The following STK31 variants were observed in gnomAD, a reference collection of about 807,000 sequenced individuals.
STK31 encodes the protein serine/threonine kinase 31.
Under a neutral mutation model 129.7 loss-of-function variants are expected in STK31, and 89 were observed. The observed-to-expected ratio is 0.69, with a 90% CI of 0.58 to 0.82. The LOEUF is 0.82. Ranked by LOEUF, STK31 falls within the 40% of genes least tolerant of loss-of-function variation. The probability of loss-of-function intolerance (pLI) is 0.00; values close to 1 mark genes in which losing one functional copy is unlikely to be tolerated. For missense variants in STK31, 1,187 were observed against 1,176.4 expected, an observed-to-expected ratio of 1.01 and a Z score of -0.13; for synonymous variants, 448 against 395.3, an observed-to-expected ratio of 1.13 and a Z score of -1.58.
intron 3 of STK31, among the ~76,000 whole-genome samples, chr7:23,714,783 G>T (rs548513240): frequency 6.7e-6 from 1 of 148,234 alleles, no homozygotes; most frequent in Non-Finnish European, 1.5e-5. Flanking sequence ...AGAGTCAGCA[G>T]TTTTTTTTTT....
At chr7:23,752,424 G>A (rs1273269502) in intron 8 of STK31, among the ~76,000 whole-genome samples, 2 of 149,280 alleles carry the variant, frequency 1.3e-5, no homozygotes, top group South Asian at 4.2e-4. Flanking sequence ...ATCTCGCCTC[G>A]CTGCAACCTC....
intron 8 of STK31, among the ~76,000 whole-genome samples, chr7:23,745,184 G>GGGA (rs1788274582): frequency 6.6e-6 from 1 of 152,140 alleles, no homozygotes; most frequent in Non-Finnish European, 1.5e-5. Context: ...TTGGGCCCTT[G>GGGA]GGAGGAGTGT....
Position 23,729,178 on chromosome 7 carries a change from A to C in STK31, c.412A>C (p.Ser138Arg), listed in dbSNP as rs1787250988. 6.2e-7 allele frequency: 1 copy of C among 1,612,202 alleles called. No individual in the cohort carries two copies. The highest frequency in any genetic ancestry group is 8.5e-7 in the Non-Finnish European group (1 of 1,179,676). ...VEIPLELQFS[S>R]VAKKYKLWGL... ...AATTCCTTTGGAGCTGCAGTTTTCTAGTGTTGCCAAAAAGTATAAACTTTG... is the reference window on the plus strand; with the variant it reads ...AATTCCTTTGGAGCTGCAGTTTTCTCGTGTTGCCAAAAAGTATAAACTTTG... Residue 138 changes from serine to arginine, a missense_variant, in exon 6 of 24, where the codon AGT becomes CGT. Physicochemically the swap from Ser to Arg is moderately radical, Grantham distance 110. Transcript: ENST00000355870.
At chr7:23,765,315 A>G (rs1159197594) in intron 11 of STK31, among the ~76,000 whole-genome samples, 2 of 152,116 alleles carry the variant, frequency 1.3e-5, no homozygotes, top group African/African-American at 4.8e-5. Flanking sequence ...TGGCCTCCAA[A>G]GTGCTAGATT....
At chr7:23,776,816 T>G (rs13310032) in intron 15 of STK31, among the ~76,000 whole-genome samples, 1 of 152,128 alleles carries the variant, frequency 6.6e-6, no homozygotes, top group South Asian at 2.1e-4. Context: ...CATGTCTCTA[T>G]CTCCTCCAGT....
At chr7:23,738,355 A>C (rs575987149) in intron 8 of STK31, among the ~76,000 whole-genome samples, 20 of 151,806 alleles carry the variant, frequency 1.3e-4, no homozygotes, top group African/African-American at 4.6e-4. Context: ...AAGCTCCCCA[A>C]ATCTCATTCA....
rs71552259 is a variant in STK31, at chr7:23,814,146, C to CTTTTTTTTTTTTTTTTTTTTTTTTTTT, written c.2761-996_2761-995insTTTTTTTTTTTTTTTTTTTTTTTTTTT. 8.1e-5 allele frequency among the ~76,000 whole-genome samples: 8 copies of CTTTTTTTTTTTTTTTTTTTTTTTTTTT among 98,914 alleles called. 3 individuals are homozygous for CTTTTTTTTTTTTTTTTTTTTTTTTTTT. Among genetic ancestry groups the CTTTTTTTTTTTTTTTTTTTTTTTTTTT allele is most frequent in the Non-Finnish European group, 7.5e-5 (4 of 53,226 alleles). The allele number at this position is 98,914 out of a possible 152,430, so 64.9% of individuals were successfully genotyped here. A position where few individuals can be genotyped will look rare whatever the true frequency, so the allele number is the denominator to read the frequency against. On this transcript the variant is annotated intron_variant, in intron 22 of 23. Transcript: ENST00000355870. ...GTTGGGAAACATCAGATCTGGCTCA[C>CTTTTTTTTTTTTTTTTTTTTTTTTTTT]TTATTTTTTTTTTTTTTTCAGTTGG...
At chr7:23,778,943 G>A (rs922556398) in intron 15 of STK31, among the ~76,000 whole-genome samples, 3 of 152,052 alleles carry the variant, frequency 2.0e-5, no homozygotes, top group South Asian at 2.1e-4. Flanking sequence ...CACCCTTTTT[G>A]TGCTGGTTTT....
At position 23,754,404 on chromosome 7, in the gene STK31, T is replaced by C. The variant is rs568377792; in HGVS notation, c.1223T>C (p.Leu408Ser). The part of the protein sequence containing the change: ...DEGCFTTPAS[L>S]NGLEIIWAEY... ...GGGTGCTTTACTACTCCAGCTTCTT[T>C]GAATGGATTAGAGATAATATGGGCA... The change falls in exon 10 of 24, where the codon TTG (leucine) becomes TCG (serine). Residue 408 changes from leucine (L) to serine (S), a missense_variant. Leu to Ser is a moderately radical substitution (Grantham distance 145). Coordinates refer to ENST00000355870, the MANE Select transcript of STK31 (RefSeq NM_031414.5). 1.9e-6 allele frequency: 3 copies of C among 1,614,070 alleles called. No individual in the cohort carries two copies. The highest frequency in any genetic ancestry group is 1.1e-5 in the South Asian group (1 of 91,062).
chr7:23,762,118 G>T (rs185883895), intron 10 of STK31, among the ~76,000 whole-genome samples: 140 of 151,008 alleles, frequency 9.3e-4, no homozygotes, highest in African/African-American at 3.3e-3. Flanking sequence ...TTACTTTTAG[G>T]GTACATGTGC....
chr7:23,826,783 G>T (rs908354697), intron 23 of STK31, among the ~76,000 whole-genome samples: 2 of 152,164 alleles, frequency 1.3e-5, no homozygotes, highest in South Asian at 2.1e-4. Context: ...TTTTAGGGCA[G>T]GTCTGGTGGT....
intron 23 of STK31, among the ~76,000 whole-genome samples, chr7:23,827,611 C>T (rs1187785714): frequency 6.6e-6 from 1 of 152,214 alleles, no homozygotes; most frequent in African/African-American, 2.4e-5. Flanking sequence ...AAGTCATTCT[C>T]TGTCCAGCTT....
At chr7:23,766,462 C>T (rs886430986) in intron 11 of STK31, among the ~76,000 whole-genome samples, 2 of 152,104 alleles carry the variant, frequency 1.3e-5, no homozygotes, top group East Asian at 3.9e-4. Flanking sequence ...CGATGTTGGC[C>T]GGGCTGGTCT....
intron 4 of STK31, among the ~76,000 whole-genome samples, chr7:23,719,941 T>G (rs146386791): frequency 8.5e-5 from 13 of 152,228 alleles, no homozygotes; most frequent in African/African-American, 3.1e-4. Flanking sequence ...TACTCTCAAA[T>G]TTTTTCCCTT....
rs769600480 is a variant in STK31 at position 23,729,212 on chromosome 7, A to G, written c.446A>G (p.His149Arg). 7.5e-6 allele frequency: 12 copies of G among 1,608,426 alleles called. No individual in the cohort carries two copies. The highest frequency in any genetic ancestry group is 2.2e-5 in the East Asian group (1 of 44,682). The change falls in exon 6 of 24, where the codon CAC becomes CGC. Residue 149 changes from histidine to arginine, a missense_variant. This residue lies in a region of STK31 where 103 missense variants were observed against 110.4 expected (regional missense o/e 0.93). Coordinates refer to ENST00000355870, the MANE Select transcript of STK31 (RefSeq NM_031414.5). ...VAKKYKLWGL[H>R]IPSDQEVTQF... is the part of the protein sequence containing the mutation. Reference sequence around the variant, plus strand: ...AAAAAGTATAAACTTTGGGGACTACACATTCCTTCTGATCAAGAAGTTACC... The same window carrying G: ...AAAAAGTATAAACTTTGGGGACTACGCATTCCTTCTGATCAAGAAGTTACC...
chr7:23,770,115 C>G (rs1051084403), intron 13 of STK31, among the ~76,000 whole-genome samples: 7 of 152,106 alleles, frequency 4.6e-5, no homozygotes, highest in Admixed American at 4.6e-4. Flanking sequence ...TTTGTGAAAA[C>G]TTAAAATCTG....
chr7:23,785,393 T>C, intron 17 of STK31, 85 bp from the exon 18 acceptor site: 2 of 1,546,868 alleles, frequency 1.3e-6, no homozygotes, highest in Non-Finnish European at 1.8e-6. Context: ...CCAAGTCATT[T>C]AATATCGTGT....
intron 23 of STK31, among the ~76,000 whole-genome samples, chr7:23,815,678 A>G (rs532458184): frequency 6.6e-6 from 1 of 152,286 alleles, no homozygotes; most frequent in African/African-American, 2.4e-5. Flanking sequence ...TAAGTGATTA[A>G]CATCTATAAG....
chr7:23,725,587 A>T (rs1787013236), intron 4 of STK31, among the ~76,000 whole-genome samples: 1 of 152,060 alleles, frequency 6.6e-6, no homozygotes, highest in Admixed American at 6.6e-5. Flanking sequence ...TATCCTTCCC[A>T]ATCCAATCAT....
Sources: allele counts gnomAD v4.1 joint callset (sites outside exome capture counted in the v4.1 genomes callset), GRCh38; gene constraint gnomAD v4.1.1; regional missense constraint gnomAD v4.1.1; transcripts MANE v1.5; gene names NCBI Gene and HGNC (gene_info 2026-07-23, HGNC 2026-07-21).